The following ADGRA1 variants were observed in gnomAD, a reference collection of about 807,000 sequenced individuals.
ADGRA1 encodes the protein G-protein coupled receptor 123.
ADGRA1 carries 12 observed loss-of-function variants against 21.3 expected under a neutral mutation model. The observed-to-expected ratio is 0.56, with a 90% CI of 0.36 to 0.91. The LOEUF (loss-of-function observed/expected upper bound fraction) is 0.91. Among genes scored for constraint, ADGRA1 ranks in the 40% least tolerant of loss-of-function variants. The probability of loss-of-function intolerance (pLI) is 0.01; values close to 1 mark genes in which losing one functional copy is unlikely to be tolerated. For synonymous variants in ADGRA1, 385 were observed against 368.8 expected, an observed-to-expected ratio of 1.04 and a Z score of -0.50; for missense variants, 790 against 805.6, an observed-to-expected ratio of 0.98 and a Z score of 0.23.
chr10:133,127,085 GGGGGTCGGGGGTC>G (rs1852388984), intron 5 of ADGRA1, 135 bp from the exon 6 acceptor site: 1 of 464,566 alleles, frequency 2.2e-6, no homozygotes, highest in Non-Finnish European at 3.8e-6. Context: ...GTCGGGGGTC[GGGGGTCGGGGGTC>G]GGGGTTCTTG....
rs9419117 is a variant in ADGRA1, at chr10:133,122,663, C to G, written c.402-4570C>G. Among the ~76,000 whole-genome samples the G allele has an allele frequency of 5.2e-3, 791 of 152,338 alleles. 6 individuals are homozygous for G. The highest frequency in any genetic ancestry group is 0.018 in the African/African-American group (746 of 41,576). ...CCGCCCAGGAACCTGCTGTCTTGGC[C>G]GGACACACCAGCACAGCCAGGAAAC... On this transcript the variant is annotated intron_variant, in intron 5 of 6. Coordinates refer to ENST00000392607, the MANE Select transcript of ADGRA1 (RefSeq NM_001083909.3).
intron 5 of ADGRA1, among the ~76,000 whole-genome samples, chr10:133,119,342 G>A (rs1292455997): frequency 4.6e-5 from 7 of 152,166 alleles, no homozygotes; most frequent in African/African-American, 1.4e-4. Flanking sequence ...GTGGATGGCC[G>A]CTGGGGCTGA....
intron 2 of ADGRA1, chr10:133,095,581 T>A: frequency 6.6e-7 from 1 of 1,508,068 alleles, no homozygotes; most frequent in Non-Finnish European, 8.9e-7. Context: ...GCCTGGCCAG[T>A]GCTGTTCGAA....
intron 2 of ADGRA1, among the ~76,000 whole-genome samples, chr10:133,092,173 G>A (rs935508821): frequency 6.6e-6 from 1 of 152,250 alleles, no homozygotes; most frequent in African/African-American, 2.4e-5. Flanking sequence ...CTCTCACAGG[G>A]CGTAAGGATG....
At chr10:133,121,719 G>A (rs564119950) in intron 5 of ADGRA1, among the ~76,000 whole-genome samples, 109 of 149,048 alleles carry the variant, frequency 7.3e-4, no homozygotes, top group African/African-American at 1.9e-3. Context: ...GCCAGTGTGC[G>A]TGTGAGTGTG....
Position 133,127,240 on chromosome 10 carries a change from C to A in ADGRA1, c.409C>A (p.Leu137Ile). Residue 137 changes from leucine (L) to isoleucine (I), a missense_variant, in exon 6 of 7, where the codon CTC becomes ATC. Physicochemically the swap from Leu to Ile is conservative, Grantham distance 5. Around this residue, in one of 3 missense-constraint regions of ADGRA1, gnomAD observed 382 missense variants for 415.6 expected, o/e 0.92. Transcript: ENST00000392607. ...CGCCTTCCTCCCCGGCAGGTTTTAC[C>A]TCGTCAGCGGAGGGGTCCCCTTTAT... ...YPRQPLLRFY[L>I]VSGGVPFIIC... 1 of 1,582,346 alleles carries A rather than the reference C, an allele frequency of 6.3e-7. No individual in the cohort carries two copies. Among genetic ancestry groups the A allele is most frequent in the South Asian group, 1.2e-5 (1 of 86,872 alleles).
Position 133,097,048 on chromosome 10 carries a change from C to G in ADGRA1, c.78C>G (p.Ala26=), listed in dbSNP as rs199784535. The G allele has an allele frequency of 1.9e-6, 3 of 1,611,210 alleles. No individual in the cohort carries two copies. Among genetic ancestry groups the G allele is most frequent in the Non-Finnish European group, 1.7e-6 (2 of 1,180,002 alleles). The change falls in exon 3 of 7, where the codon GCC becomes GCG. Residue 26 remains alanine (A), a synonymous_variant. Transcript: ENST00000392607. ...ACCCCGTGGTGTACGCGTGCACGGC[C>G]GTCATGCTGCTCTGCCTCCTGGCCT... The part of the protein sequence containing the change: ...FLHPVVYACT[A]VMLLCLLASF...
intron 4 of ADGRA1, 25 bp downstream of exon 4, chr10:133,098,788 G>T: frequency 6.2e-7 from 1 of 1,604,368 alleles, no homozygotes; most frequent in Non-Finnish European, 8.5e-7. Flanking sequence ...GCCCTCGTTG[G>T]CTCCTCCCAG....
intron 2 of ADGRA1, among the ~76,000 whole-genome samples, chr10:133,094,150 A>G (rs1851648806): frequency 6.6e-6 from 1 of 152,256 alleles, no homozygotes; most frequent in South Asian, 2.1e-4. Flanking sequence ...CCTTCAGACG[A>G]GAAGCCCCAC....
Position 133,098,735 on chromosome 10 carries a change from G to A in ADGRA1, c.227G>A (p.Arg76His), listed in dbSNP as rs1051295252. The change falls in exon 4 of 7, where the codon CGC becomes CAC. Residue 76 changes from arginine (R) to histidine (H), a missense_variant. Physicochemically the swap from Arg to His is conservative, Grantham distance 29 (BLOSUM62 0). This residue lies in a region of ADGRA1 where 382 missense variants were observed against 415.6 expected (regional missense o/e 0.92). Transcript: ENST00000392607. Reference sequence around the variant, plus strand: ...ACTGTGTTCGCCGGCGGCATCAATCGCACCAAGTACCCCATCCTGTGCCAG... The same window carrying A: ...ACTGTGTTCGCCGGCGGCATCAATCACACCAAGTACCCCATCCTGTGCCAG... Reference protein sequence around the residue: ...TFTVFAGGINRTKYPILCQAV... With the variant: ...TFTVFAGGINHTKYPILCQAV... 20 of 1,611,468 alleles carry A rather than the reference G, an allele frequency of 1.2e-5. No homozygotes were observed. The highest frequency in any genetic ancestry group is 1.7e-5 in the Admixed American group (1 of 59,990).
rs1438344234 is a variant in ADGRA1, at chr10:133,131,392, A to G, written c.*1881A>G. ...TGTGCTGTGTACGCACTGTAGGTGC[A>G]GAACCGTCCACACAAAAATACAGTC... is the stretch of plus-strand genomic sequence containing the variant. On this transcript the variant is annotated 3_prime_UTR_variant, in exon 7 of 7. Transcript: ENST00000392607. 1.3e-5 allele frequency: 2 copies of G among 152,308 alleles called. No individual in the cohort carries two copies. The highest frequency in any genetic ancestry group is 2.9e-5 in the Non-Finnish European group (2 of 68,072). 9.4% of individuals were successfully genotyped at this position (152,308 alleles called of 1,614,324 possible).
chr10:133,126,532 G>A (rs1263278530), intron 5 of ADGRA1, among the ~76,000 whole-genome samples: 1 of 152,196 alleles, frequency 6.6e-6, no homozygotes, highest in African/African-American at 2.4e-5. Flanking sequence ...GGCAGCCAGG[G>A]GTTGTCTCAT....
chr10:133,120,610 C>T (rs1205639042), intron 5 of ADGRA1, among the ~76,000 whole-genome samples: 1 of 152,212 alleles, frequency 6.6e-6, no homozygotes, highest in African/African-American at 2.4e-5. Context: ...CTGCACCTCT[C>T]TCAGCCATCA....
chr10:133,103,545 G>A (rs1421754307), intron 5 of ADGRA1, among the ~76,000 whole-genome samples: 1 of 152,230 alleles, frequency 6.6e-6, no homozygotes, highest in African/African-American at 2.4e-5. Context: ...GGAATGCACC[G>A]TGGCCTTTGT....
chr10:133,127,322 A>G lies in ADGRA1; in HGVS notation c.491A>G (p.Asp164Gly). 1 of 1,596,254 alleles carries G rather than the reference A, an allele frequency of 6.3e-7. No individual in the cohort carries two copies. Among genetic ancestry groups the G allele is most frequent in the African/African-American group, 1.4e-5 (1 of 73,860 alleles). Residue 164 changes from aspartate to glycine, a missense_variant, in exon 6 of 7, where the codon GAC (aspartate) becomes GGC (glycine). Physicochemically the swap from Asp to Gly is moderately conservative, Grantham distance 94 (BLOSUM62 -1). This residue lies in a region of ADGRA1 where 382 missense variants were observed against 415.6 expected (regional missense o/e 0.92). Coordinates refer to ENST00000392607, the MANE Select transcript of ADGRA1 (RefSeq NM_001083909.3). ...NIRNYGTEDE[D>G]TAYCWMAWEP... is the part of the protein sequence containing the mutation. Reference sequence around the variant, plus strand: ...AGGAATTACGGGACAGAGGACGAGGACACGGCGTAGTGAGTACCGGGCACC... The same window carrying G: ...AGGAATTACGGGACAGAGGACGAGGGCACGGCGTAGTGAGTACCGGGCACC...
rs1006759770 is a variant in ADGRA1 at position 133,088,115 on chromosome 10, C to T, written c.-226C>T. ...CTCCGGGAGCGCGGCCCGGCCGCCC[C>T]GGCAGCCGCTTCGGCCACAGCAGGT... On this transcript the variant is annotated 5_prime_UTR_variant, in exon 1 of 7. Transcript: ENST00000392607. The T allele has an allele frequency of 2.0e-6, 2 of 984,946 alleles. No individual in the cohort carries two copies. The highest frequency in any genetic ancestry group is 6.2e-5 in the Admixed American group (1 of 16,246). 61.0% of individuals were successfully genotyped at this position (984,946 alleles called of 1,614,324 possible). A position where few individuals can be genotyped will look rare whatever the true frequency, so the allele number is the denominator to read the frequency against.
At position 133,116,390 on chromosome 10, in the gene ADGRA1, G is replaced by A. The variant is rs113969000; in HGVS notation, c.402-10843G>A. On this transcript the variant is annotated intron_variant, in intron 5 of 6. Coordinates refer to ENST00000392607, the MANE Select transcript of ADGRA1 (RefSeq NM_001083909.3). Reference sequence around the variant, plus strand: ...CAATCCCAAAGCTCTTAGCTCCTACGTGGTCCAGGCTTTGTCAGCGCCCCA... The same window carrying A: ...CAATCCCAAAGCTCTTAGCTCCTACATGGTCCAGGCTTTGTCAGCGCCCCA... 9.4e-4 allele frequency among the ~76,000 whole-genome samples: 143 copies of A among 151,736 alleles called. 1 individual carries two copies. In the South Asian group the frequency reaches 0.014, roughly 15 times the overall value.
At position 133,088,930 on chromosome 10, in the gene ADGRA1, G is replaced by A. The variant is rs1392207510; in HGVS notation, c.3+18G>A. ...CGCTCATGGTGAGTACGGGGGTCCC[G>A]GGGGTCCTGCAGCTGGGGGCTAGGC... On this transcript the variant is annotated intron_variant, in intron 2 of 6. Coordinates refer to ENST00000392607, the MANE Select transcript of ADGRA1 (RefSeq NM_001083909.3). 3.2e-6 allele frequency: 4 copies of A among 1,241,028 alleles called. No individual in the cohort carries two copies. The highest frequency in any genetic ancestry group is 4.1e-5 in the Admixed American group (1 of 24,536). The allele number at this position is 1,241,028 out of a possible 1,614,324, so 76.9% of individuals were successfully genotyped here.
intron 5 of ADGRA1, among the ~76,000 whole-genome samples, chr10:133,105,823 G>C (rs1286657186): frequency 6.6e-6 from 1 of 152,220 alleles, no homozygotes; most frequent in East Asian, 1.9e-4. Context: ...CCAGCAGCGA[G>C]AAGCCAGCAG....
Sources: gnomAD v4.1 joint callset for allele counts (sites outside exome capture counted in the v4.1 genomes callset) on GRCh38, gnomAD v4.1.1 for gene constraint, gnomAD v4.1.1 regional missense constraint, MANE v1.5 for transcripts, NCBI Gene and HGNC (gene_info 2026-07-23, HGNC 2026-07-21) for gene names.